SUSD1: variants seen among roughly 807,000 people sequenced by gnomAD.
The protein encoded by SUSD1 is sushi domain-containing protein 1.
In SUSD1, 65 loss-of-function variants were observed where a neutral mutation model predicts 86.9. That is an observed-to-expected ratio of 0.75 (90% confidence interval 0.61 to 0.92). The LOEUF is 0.92. SUSD1 is among the 40% of genes least tolerant of loss of function. SUSD1 has a pLI of 0.00. For synonymous variants in SUSD1, 346 were observed against 350.0 expected, an observed-to-expected ratio of 0.99 and a Z score of 0.13; for missense variants, 850 against 929.7, an observed-to-expected ratio of 0.91 and a Z score of 1.11.
chr9:112,095,464 C>G (rs1311510666), intron 10 of SUSD1, among the ~76,000 whole-genome samples: 1 of 152,118 alleles, frequency 6.6e-6, no homozygotes, highest in Non-Finnish European at 1.5e-5. Context: ...AAGCACCGAC[C>G]ATTTAAGTCT....
At chr9:112,060,865 A>G (rs758469447) in intron 13 of SUSD1, among the ~76,000 whole-genome samples, 2 of 152,174 alleles carry the variant, frequency 1.3e-5, no homozygotes, top group African/African-American at 2.4e-5. Flanking sequence ...CTTTCCATGC[A>G]GGTGGTGGTG....
intron 2 of SUSD1, among the ~76,000 whole-genome samples, chr9:112,150,935 G>T (rs1833017803): frequency 6.6e-6 from 1 of 152,128 alleles, no homozygotes. Flanking sequence ...CATGACTGTA[G>T]ACTTTTATTT....
At chr9:112,062,885 A>G (rs1351143139) in intron 13 of SUSD1, 52 bp downstream of exon 13, 1 of 1,290,598 alleles carries the variant, frequency 7.7e-7, no homozygotes, top group African/African-American at 1.5e-5. Flanking sequence ...AAAGTTTCCA[A>G]AACACTCCAT....
intron 10 of SUSD1, among the ~76,000 whole-genome samples, chr9:112,092,634 G>A (rs1018406456): frequency 2.6e-5 from 4 of 151,928 alleles, no homozygotes; most frequent in African/African-American, 7.3e-5. Flanking sequence ...TAGCCTAGAC[G>A]TCTAACCTAT....
At chr9:112,061,904 G>A (rs1362985020) in intron 13 of SUSD1, among the ~76,000 whole-genome samples, 1 of 151,830 alleles carries the variant, frequency 6.6e-6, no homozygotes, top group Non-Finnish European at 1.5e-5. Context: ...CCTTGAGCTG[G>A]TACTGTGAGC....
chr9:112,058,041 G>A (rs1828529712), intron 14 of SUSD1, among the ~76,000 whole-genome samples: 1 of 152,236 alleles, frequency 6.6e-6, no homozygotes, highest in Non-Finnish European at 1.5e-5. Context: ...ACAGCCGAGT[G>A]CTGTGCTTAA....
At chr9:112,117,601 T>C (rs777183111) in intron 6 of SUSD1, among the ~76,000 whole-genome samples, 20 of 152,156 alleles carry the variant, frequency 1.3e-4, no homozygotes, top group Non-Finnish European at 2.1e-4. Flanking sequence ...TGGTATTTTG[T>C]TAGCATCTAG....
chr9:112,082,601 C>A (rs879762219), intron 10 of SUSD1, among the ~76,000 whole-genome samples: 6 of 152,120 alleles, frequency 3.9e-5, no homozygotes, highest in Non-Finnish European at 8.8e-5. Flanking sequence ...CTAGATACCC[C>A]CCGCCCCTGA....
chr9:112,138,260 T>C (rs1450735584), intron 5 of SUSD1, among the ~76,000 whole-genome samples: 4 of 106,172 alleles, frequency 3.8e-5, no homozygotes, highest in African/African-American at 1.2e-4. Flanking sequence ...TATATATGTG[T>C]ATATACATAT....
At chr9:112,095,521 G>T (rs1005008837) in intron 10 of SUSD1, among the ~76,000 whole-genome samples, 4 of 152,212 alleles carry the variant, frequency 2.6e-5, no homozygotes, top group African/African-American at 9.7e-5. Flanking sequence ...AATGCCACTA[G>T]CCCAGGGGGT....
intron 12 of SUSD1, among the ~76,000 whole-genome samples, chr9:112,069,242 T>C (rs1829141191): frequency 6.6e-6 from 1 of 152,084 alleles, no homozygotes. Context: ...CTAGAATTTC[T>C]CCCAGAGTCT....
intron 3 of SUSD1, among the ~76,000 whole-genome samples, chr9:112,144,558 G>C (rs1332986272): frequency 6.6e-6 from 1 of 152,138 alleles, no homozygotes; most frequent in Non-Finnish European, 1.5e-5. Flanking sequence ...AGGACTGCTT[G>C]AGTCCAGGAG....
chr9:112,047,410 T>C (rs1828003561), intron 15 of SUSD1, among the ~76,000 whole-genome samples: 1 of 152,164 alleles, frequency 6.6e-6, no homozygotes, highest in Non-Finnish European at 1.5e-5. Context: ...ATTAGGGCCT[T>C]ACGAGGCTAG....
chr9:112,137,243 G>A (rs968643216), intron 5 of SUSD1, among the ~76,000 whole-genome samples: 1 of 152,112 alleles, frequency 6.6e-6, no homozygotes, highest in East Asian at 1.9e-4. Context: ...GTGAGAAACC[G>A]AGGCCATGTA....
At chr9:112,074,560 A>G (rs1286542063) in intron 12 of SUSD1, among the ~76,000 whole-genome samples, 1 of 152,186 alleles carries the variant, frequency 6.6e-6, no homozygotes, top group Non-Finnish European at 1.5e-5. Context: ...TCCTGTTCCC[A>G]TCAGTAAGAT....
intron 6 of SUSD1, among the ~76,000 whole-genome samples, chr9:112,114,163 G>C (rs891282257): frequency 6.6e-6 from 1 of 152,030 alleles, no homozygotes; most frequent in Non-Finnish European, 1.5e-5. Context: ...ATGAAATTAA[G>C]AAAACAATTT....
chr9:112,105,959 C>G (rs1210842398), intron 8 of SUSD1, among the ~76,000 whole-genome samples: 3 of 152,152 alleles, frequency 2.0e-5, no homozygotes, highest in South Asian at 4.1e-4. Context: ...GATACACAAG[C>G]TGAAAATCAA....
At chr9:112,164,115 G>C (rs1344258052) in intron 1 of SUSD1, among the ~76,000 whole-genome samples, 1 of 152,104 alleles carries the variant, frequency 6.6e-6, no homozygotes, top group Non-Finnish European at 1.5e-5. Flanking sequence ...GAAGAAAAGA[G>C]GTGGGACTCA....
chr9:112,076,473 T>C (rs1041017738), intron 12 of SUSD1, among the ~76,000 whole-genome samples: 1 of 152,048 alleles, frequency 6.6e-6, no homozygotes, highest in Non-Finnish European at 1.5e-5. Flanking sequence ...AGACAGAAAG[T>C]AACAGATAGA....
Sources: allele counts gnomAD v4.1 joint callset (sites outside exome capture counted in the v4.1 genomes callset), GRCh38; gene constraint gnomAD v4.1.1; transcripts MANE v1.5; gene names NCBI Gene and HGNC (gene_info 2026-07-23, HGNC 2026-07-21).